The following RHPN2 variants were observed in gnomAD, a reference collection of about 807,000 sequenced individuals.
RHPN2 encodes the protein rhophilin Rho GTPase binding protein 2.
A neutral mutation model predicts 79.0 loss-of-function variants in RHPN2; 40 were observed. The ratio of observed to expected loss-of-function variants is 0.51; its 90% CI spans 0.39 to 0.66. RHPN2 has a LOEUF of 0.66. Among genes scored for constraint, RHPN2 ranks in the 30% least tolerant of loss-of-function variants. The pLI is 0.00. For missense variants in RHPN2, 686 were observed against 883.5 expected (o/e 0.78, Z 2.83); for synonymous variants, 285 against 363.5 (o/e 0.78, Z 2.46).
At chr19:33,057,536 C>T (rs938143329) in intron 1 of RHPN2, among the ~76,000 whole-genome samples, 7 of 151,508 alleles carry the variant, frequency 4.6e-5, no homozygotes, top group African/African-American at 7.3e-5. Flanking sequence ...CAAAATTAGC[C>T]GGGCATGATG....
At chr19:33,026,721 G>T in intron 2 of RHPN2, 89 bp from the exon 3 acceptor site, 4 of 1,479,066 alleles carry the variant, frequency 2.7e-6, no homozygotes. Context: ...CCTGCAGGGA[G>T]GATCAGGGCA....
At position 33,064,887 on chromosome 19, in the gene RHPN2, C is replaced by T. The variant is rs1809456022; in HGVS notation, c.-35G>A. ...GCGGGCGCGGAGGGCGGACGGCGGA[C>T]TGAGGCGCGGCGGCTGAGGCTGGCC... On this transcript the variant is annotated 5_prime_UTR_variant, in exon 1 of 15. Transcript: ENST00000254260. The T allele has an allele frequency of 6.7e-7, 1 of 1,485,670 alleles. No individual in the cohort carries two copies. The allele number at this position is 1,485,670 out of a possible 1,614,324, so 92.0% of individuals were successfully genotyped here. A position where few individuals can be genotyped will look rare whatever the true frequency, so the allele number is the denominator to read the frequency against.
chr19:33,053,139 T>TTTTTG lies in RHPN2; in HGVS notation c.70-8780_70-8776dup, dbSNP rs58956378. Among the ~76,000 whole-genome samples, 75 of 151,598 alleles carry TTTTTG rather than the reference T, an allele frequency of 4.9e-4. No individual in the cohort carries two copies. The South Asian group carries it at 7.9e-3, about 16-fold the overall frequency. ...GGAATGTGCCAACACACCTGGCTAATTTTTGTTTTGTTTTGTTTTGTTTTG... is the reference window on the plus strand; with the variant it reads ...GGAATGTGCCAACACACCTGGCTAATTTTTGTTTTGTTTTGTTTTGTTTTGTTTTG... On this transcript the variant is annotated intron_variant, in intron 1 of 14. Transcript: ENST00000254260.
At chr19:33,062,227 G>A (rs899369599) in intron 1 of RHPN2, among the ~76,000 whole-genome samples, 5 of 152,136 alleles carry the variant, frequency 3.3e-5, no homozygotes, top group African/African-American at 9.7e-5. Context: ...TTAGGAGGCC[G>A]AGGTGGGTGG....
chr19:32,994,169 G>A (rs1971682693), intron 11 of RHPN2, 116 bp from the exon 12 acceptor site: 2 of 735,510 alleles, frequency 2.7e-6, no homozygotes, highest in Non-Finnish European at 4.9e-6. Context: ...GCTGAGGCAG[G>A]TGGATCACTT....
chr19:33,007,474 C>T (rs555394341), intron 7 of RHPN2, among the ~76,000 whole-genome samples: 1 of 148,614 alleles, frequency 6.7e-6, no homozygotes, highest in East Asian at 2.0e-4. Flanking sequence ...GCAACAAGAG[C>T]AAAACTCCAT....
chr19:33,058,567 G>A (rs1018047993), intron 1 of RHPN2, among the ~76,000 whole-genome samples: 2 of 151,516 alleles, frequency 1.3e-5, no homozygotes, highest in Admixed American at 6.6e-5. Flanking sequence ...GGATTACGCA[G>A]TCAAGAGGTT....
In RHPN2 at chr19:33,033,564, C is replaced by CA. The variant is rs528682262; in HGVS notation, c.186-6933dup. On this transcript the variant is annotated intron_variant, in intron 2 of 14. Transcript: ENST00000254260. Reference sequence around the variant, plus strand: ...CTGGCGACAGAGCGAGTCTCCATCTCAAAAAAAATAAAAATTAAAATAGGC... The same window carrying CA: ...CTGGCGACAGAGCGAGTCTCCATCTCAAAAAAAAATAAAAATTAAAATAGGC... 2.2e-4 allele frequency among the ~76,000 whole-genome samples: 34 copies of CA among 151,338 alleles called. 1 individual carries two copies. In the South Asian group the frequency reaches 6.9e-3, roughly 31 times the overall value.
intron 2 of RHPN2, among the ~76,000 whole-genome samples, chr19:33,036,379 G>A (rs1366585950): frequency 6.6e-6 from 1 of 152,070 alleles, no homozygotes; most frequent in Non-Finnish European, 1.5e-5. Context: ...GGTGGTATAC[G>A]TGTATAGTCC....
chr19:32,998,744 G>T (rs1971723639), intron 10 of RHPN2, among the ~76,000 whole-genome samples: 1 of 145,552 alleles, frequency 6.9e-6, no homozygotes, highest in Non-Finnish European at 1.5e-5. Context: ...AAGGAGAGAG[G>T]AGAGGAAAGG....
chr19:33,001,943 G>T (rs1348572573), intron 9 of RHPN2, among the ~76,000 whole-genome samples: 1 of 152,150 alleles, frequency 6.6e-6, no homozygotes, highest in Non-Finnish European at 1.5e-5. Context: ...ACCTTAAAAT[G>T]TTACTTATCT....
At chr19:33,025,163 A>G (rs76055008) in intron 3 of RHPN2, among the ~76,000 whole-genome samples, 1 of 152,054 alleles carries the variant, frequency 6.6e-6, no homozygotes, top group Non-Finnish European at 1.5e-5. Flanking sequence ...AGAATGATAC[A>G]ATAGAGTGCC....
chr19:33,038,118 A>C (rs1254980043), intron 2 of RHPN2, among the ~76,000 whole-genome samples: 3 of 151,966 alleles, frequency 2.0e-5, no homozygotes, highest in Admixed American at 6.6e-5. Context: ...TTGGAGGCCG[A>C]GTGGGCGGAT....
intron 3 of RHPN2, among the ~76,000 whole-genome samples, chr19:33,025,026 C>G (rs1275172103): frequency 6.6e-6 from 1 of 152,110 alleles, no homozygotes; most frequent in African/African-American, 2.4e-5. Flanking sequence ...GCCGGGATTA[C>G]AGGCATAAGG....
At chr19:32,982,754 T>C (rs958503879) in intron 14 of RHPN2, among the ~76,000 whole-genome samples, 2 of 152,018 alleles carry the variant, frequency 1.3e-5, no homozygotes, top group Non-Finnish European at 2.9e-5. Context: ...CCCTAGGGCC[T>C]GTATCTGAAA....
chr19:33,011,612 A>G, intron 6 of RHPN2, 67 bp downstream of exon 6: 1 of 1,610,980 alleles, frequency 6.2e-7, no homozygotes. Flanking sequence ...GGCGTCTGTG[A>G]TGCTGAGGCT....
intron 6 of RHPN2, 143 bp downstream of exon 6, chr19:33,011,536 T>A: frequency 1.0e-6 from 1 of 993,754 alleles, no homozygotes; most frequent in Non-Finnish European, 1.6e-6. Context: ...TGACATCTTT[T>A]GAGACTTCCC....
chr19:32,985,005 A>AT (rs59263976), intron 14 of RHPN2, among the ~76,000 whole-genome samples: 26,003 of 148,126 alleles, frequency 0.18, 2,406 homozygotes, highest in Non-Finnish European at 0.21. Flanking sequence ...ACTTGGTAGG[A>AT]TTTTTTTTTT....
At chr19:33,049,175 G>A (rs921045030) in intron 1 of RHPN2, among the ~76,000 whole-genome samples, 6 of 152,104 alleles carry the variant, frequency 3.9e-5, no homozygotes, top group South Asian at 4.1e-4. Flanking sequence ...AAACACCCAC[G>A]GGGCTGTGTG....
Sources: gnomAD v4.1 joint callset for allele counts (sites outside exome capture counted in the v4.1 genomes callset) on GRCh38, gnomAD v4.1.1 for gene constraint, MANE v1.5 for transcripts, NCBI Gene and HGNC (gene_info 2026-07-23, HGNC 2026-07-21) for gene names.